Variants in RAPGEF2 observed in about 807,000 individuals in gnomAD.
RAPGEF2 encodes Rap guanine nucleotide exchange factor 2.
In RAPGEF2, 54 loss-of-function variants were observed where a neutral mutation model predicts 186.7. That is an observed-to-expected ratio of 0.29 (90% confidence interval 0.23 to 0.36). RAPGEF2 has a LOEUF of 0.36. Ranked by LOEUF, RAPGEF2 falls within the 10% of genes least tolerant of loss-of-function variation. RAPGEF2 has a pLI of 1.00. For synonymous variants in RAPGEF2, 712 were observed against 705.9 expected (o/e 1.01, Z -0.14); for missense variants, 1,532 against 2,045.0 (o/e 0.75, Z 4.84).
chr4:159,251,520 G>A (rs1031474097), intron 7 of RAPGEF2, among the ~76,000 whole-genome samples: 2 of 152,174 alleles, frequency 1.3e-5, no homozygotes, highest in African/African-American at 4.8e-5. Context: ...ATCTGGTAGG[G>A]ACTTGGAGAA....
At chr4:159,337,463 T>A (rs1348710766) in intron 17 of RAPGEF2, among the ~76,000 whole-genome samples, 1 of 152,178 alleles carries the variant, frequency 6.6e-6, no homozygotes, top group African/African-American at 2.4e-5. Flanking sequence ...ATCAGTTGAG[T>A]GAGTTAAATG....
chr4:159,263,809 A>G (rs983430258), intron 7 of RAPGEF2, among the ~76,000 whole-genome samples: 2 of 152,138 alleles, frequency 1.3e-5, no homozygotes, highest in Non-Finnish European at 2.9e-5. Context: ...TTAGAAAGTG[A>G]ATACTTTAGG....
Position 159,158,842 on chromosome 4 carries a change from CG to C in RAPGEF2, c.70-27799del, listed in dbSNP as rs1265084132. ...AACCAGAAATTATCATTGACAACCTCGCTAGAGGCCCTTACTCAAGTTTCAC... is the reference window on the plus strand; with the variant it reads ...AACCAGAAATTATCATTGACAACCTCCTAGAGGCCCTTACTCAAGTTTCAC... On this transcript the variant is annotated intron_variant, in intron 1 of 29. Coordinates refer to ENST00000691494, the MANE Select transcript of RAPGEF2 (RefSeq NM_001394067.2). 2.0e-5 allele frequency among the ~76,000 whole-genome samples: 3 copies of C among 152,174 alleles called. No homozygotes were observed. The East Asian group carries it at 5.8e-4, about 29-fold the overall frequency.
chr4:159,156,367 TAAAAA>T (rs1323476472), intron 1 of RAPGEF2, among the ~76,000 whole-genome samples: 2 of 152,134 alleles, frequency 1.3e-5, no homozygotes, highest in Non-Finnish European at 2.9e-5. Flanking sequence ...ATAACACAAC[TAAAAA>T]AAGAAAAGAA....
intron 1 of RAPGEF2, among the ~76,000 whole-genome samples, chr4:159,154,017 G>T (rs113932679): frequency 8.5e-5 from 13 of 152,186 alleles, no homozygotes; most frequent in African/African-American, 3.1e-4. Flanking sequence ...TGAGTGGTTA[G>T]ATACGGAATC....
intron 1 of RAPGEF2, among the ~76,000 whole-genome samples, chr4:159,182,386 C>A (rs147640265): frequency 0.02 from 1,709 of 85,686 alleles, 39 homozygotes; most frequent in African/African-American, 0.07. Flanking sequence ...TTCTTTTCTT[C>A]TTTTTTTTTT....
At chr4:159,128,353 A>G (rs932794278) in intron 1 of RAPGEF2, among the ~76,000 whole-genome samples, 3 of 152,278 alleles carry the variant, frequency 2.0e-5, no homozygotes, top group African/African-American at 7.2e-5. Context: ...AAAATGGAAC[A>G]CAATGCTTTC....
Position 159,344,024 on chromosome 4 carries a change from T to C in RAPGEF2, c.3255-12T>C. ...ACACCCATGCTTCAATCTCCATGGC[T>C]CTCACTTACAGGAAGAAGAAATGGC... On this transcript the variant is annotated splice_polypyrimidine_tract_variant and intron_variant, in intron 22 of 29. Transcript: ENST00000691494. The C allele has an allele frequency of 6.5e-7, 1 of 1,532,496 alleles. No individual in the cohort carries two copies. The highest frequency in any genetic ancestry group is 9.0e-7 in the Non-Finnish European group (1 of 1,105,812). 94.9% of individuals were successfully genotyped at this position (1,532,496 alleles called of 1,614,324 possible).
chr4:159,300,219 AATAT>A (rs1762489455), intron 7 of RAPGEF2, among the ~76,000 whole-genome samples: 1 of 76,228 alleles, frequency 1.3e-5, no homozygotes, highest in African/African-American at 3.5e-5. Flanking sequence ...TGATTTAAAC[AATAT>A]ATAATTAATA....
At position 159,104,210 on chromosome 4, in the gene RAPGEF2, T is replaced by TGGGGCCGGGGGGGGGGGG; in HGVS notation, c.48_49insGGGGCCGGGGGGGGGGGG (p.Asn16_Pro17insGlyAlaGlyGlyGlyGly). ...GCTTCCGCCAGGCGGTGATGAAGAA[T>TGGGGCCGGGGGGGGGGGG]CCCCCCGAAAGGACCCCCCAGGTGA... On this transcript the variant is annotated inframe_insertion, in exon 1 of 30. Transcript: ENST00000691494. The TGGGGCCGGGGGGGGGGGG allele has an allele frequency of 7.7e-7, 1 of 1,302,456 alleles. No homozygotes were observed. Among genetic ancestry groups the TGGGGCCGGGGGGGGGGGG allele is most frequent in the Non-Finnish European group, 9.9e-7 (1 of 1,005,494 alleles). The allele number at this position is 1,302,456 out of a possible 1,614,324, so 80.7% of individuals were successfully genotyped here. A position where few individuals can be genotyped will look rare whatever the true frequency, so the allele number is the denominator to read the frequency against.
chr4:159,154,716 C>T (rs2111200505), intron 1 of RAPGEF2, among the ~76,000 whole-genome samples: 1 of 152,228 alleles, frequency 6.6e-6, no homozygotes, highest in Non-Finnish European at 1.5e-5. Flanking sequence ...ATCAAGAGAT[C>T]TCTTGAATCA....
chr4:159,294,772 A>C (rs1761722223), intron 7 of RAPGEF2, among the ~76,000 whole-genome samples: 1 of 151,828 alleles, frequency 6.6e-6, no homozygotes, highest in African/African-American at 2.4e-5. Flanking sequence ...GTCTTGGCCC[A>C]GTGCAAACTC....
intron 1 of RAPGEF2, among the ~76,000 whole-genome samples, chr4:159,118,296 G>A (rs923409456): frequency 6.6e-6 from 1 of 152,166 alleles, no homozygotes; most frequent in African/African-American, 2.4e-5. Flanking sequence ...TCTAGGTTGT[G>A]TACTCCTCAT....
chr4:159,276,644 T>G (rs1037658069), intron 7 of RAPGEF2, among the ~76,000 whole-genome samples: 3 of 152,186 alleles, frequency 2.0e-5, no homozygotes, highest in Non-Finnish European at 4.4e-5. Flanking sequence ...CTTCTCCCTT[T>G]GCACTGTATA....
chr4:159,186,503 A>T (rs990063717), intron 1 of RAPGEF2, 139 bp from the exon 2 acceptor site: 4 of 441,674 alleles, frequency 9.1e-6, no homozygotes, highest in Non-Finnish European at 1.6e-5. Context: ...AATAATGTTT[A>T]TTTTTACTGT....
chr4:159,341,621 G>A lies in RAPGEF2; in HGVS notation c.2592G>A (p.Gln864=). ...TETLCSDEDA[Q]ELLRESQISL... is the part of the protein sequence containing the mutation. ...CTCTTTGTTCAGATGAAGATGCTCA[G>A]GAGTTGTTGAGAGAGAGTCAAATTT... Residue 864 remains glutamine, a synonymous_variant, in exon 20 of 30, where the codon CAG becomes CAA. Transcript: ENST00000691494. The A allele has an allele frequency of 6.2e-7, 1 of 1,613,480 alleles. No individual in the cohort carries two copies. Among genetic ancestry groups the A allele is most frequent in the Non-Finnish European group, 8.5e-7 (1 of 1,179,774 alleles).
chr4:159,290,013 A>G (rs1760986811), intron 7 of RAPGEF2, among the ~76,000 whole-genome samples: 1 of 152,200 alleles, frequency 6.6e-6, no homozygotes, highest in African/African-American at 2.4e-5. Context: ...GGGAAAGAGA[A>G]GCCACTAAAA....
chr4:159,165,135 A>T (rs949740830), intron 1 of RAPGEF2, among the ~76,000 whole-genome samples: 1 of 152,186 alleles, frequency 6.6e-6, no homozygotes, highest in African/African-American at 2.4e-5. Flanking sequence ...AGTTGAATAA[A>T]GCCAGCTGTG....
chr4:159,237,880 T>C (rs533816363), intron 4 of RAPGEF2, among the ~76,000 whole-genome samples: 1 of 137,132 alleles, frequency 7.3e-6, no homozygotes, highest in Non-Finnish European at 1.5e-5. Flanking sequence ...AAGCCAGGTA[T>C]GGTGGTACGC....
Sources: gnomAD v4.1 joint callset for allele counts (sites outside exome capture counted in the v4.1 genomes callset) on GRCh38, gnomAD v4.1.1 for gene constraint, MANE v1.5 for transcripts, NCBI Gene and HGNC (gene_info 2026-07-23, HGNC 2026-07-21) for gene names.